Variants in TANC1 observed in about 807,000 individuals in gnomAD.
TANC1 encodes the protein tetratricopeptide repeat, ankyrin repeat and coiled-coil containing 1, also known as protein TANC1.
TANC1 carries 77 observed loss-of-function variants against 149.7 expected under a neutral mutation model. That is an observed-to-expected ratio of 0.51 (90% confidence interval 0.43 to 0.62). TANC1 has a LOEUF of 0.62. Among genes scored for constraint, TANC1 ranks in the 20% least tolerant of loss-of-function variants. The pLI, the probability that TANC1 is intolerant of heterozygous loss-of-function variation, is 0.00. For synonymous variants in TANC1, 854 were observed against 925.0 expected (o/e 0.92, Z 1.39); for missense variants, 1,985 against 2,321.8 (o/e 0.85, Z 2.98).
intron 19 of TANC1, among the ~76,000 whole-genome samples, chr2:159,217,177 T>C (rs902916333): frequency 6.6e-6 from 1 of 152,136 alleles, no homozygotes; most frequent in Non-Finnish European, 1.5e-5. Flanking sequence ...CTGGCAGCCA[T>C]GCCCAGGCCT....
chr2:159,036,532 C>G (rs1269785839), intron 2 of TANC1, among the ~76,000 whole-genome samples: 1 of 152,112 alleles, frequency 6.6e-6, no homozygotes, highest in African/African-American at 2.4e-5. Flanking sequence ...ATGACAGGCC[C>G]TCGTGTGTGA....
intron 26 of TANC1, 50 bp from the exon 27 acceptor site, chr2:159,229,528 G>T: frequency 1.4e-6 from 2 of 1,400,610 alleles, no homozygotes; most frequent in South Asian, 1.3e-5. Flanking sequence ...GTTACACTCT[G>T]AGCATGTTCG....
chr2:159,039,481 G>A (rs2040459422), intron 2 of TANC1, among the ~76,000 whole-genome samples: 1 of 151,962 alleles, frequency 6.6e-6, no homozygotes, highest in African/African-American at 2.4e-5. Context: ...TTTCTCCTGT[G>A]GGCATTTAGT....
At chr2:159,049,524 G>T (rs993086484) in intron 2 of TANC1, among the ~76,000 whole-genome samples, 7 of 152,182 alleles carry the variant, frequency 4.6e-5, no homozygotes, top group Admixed American at 1.3e-4. Context: ...CCAGGGTGGG[G>T]TCCAGCAGCC....
chr2:159,037,780 G>A lies in TANC1; in HGVS notation c.-15-28116G>A, dbSNP rs542526721. On this transcript the variant is annotated intron_variant, in intron 2 of 26. Coordinates refer to ENST00000263635, the MANE Select transcript of TANC1 (RefSeq NM_033394.3). ...TAGCCTTGTAGTATAGTTTGAAGTC[G>A]GGTAGCATGATTCCTCCAGCTTTGT... Among the ~76,000 whole-genome samples the A allele has an allele frequency of 2.0e-4, 30 of 152,140 alleles. No homozygotes were observed. The South Asian group carries it at 2.9e-3, about 15-fold the overall frequency.
At chr2:159,210,801 C>T (rs1196956334) in intron 19 of TANC1, among the ~76,000 whole-genome samples, 1 of 152,018 alleles carries the variant, frequency 6.6e-6, no homozygotes, top group African/African-American at 2.4e-5. Context: ...CTCTTGACCT[C>T]GTGATCTGAT....
rs567962942 is a variant in TANC1, at chr2:159,117,209, A to C, written c.260-18985A>C. 2.8e-4 allele frequency among the ~76,000 whole-genome samples: 42 copies of C among 152,340 alleles called. 1 individual carries two copies. The South Asian group carries it at 8.3e-3, about 30-fold the overall frequency. On this transcript the variant is annotated intron_variant, in intron 4 of 26. Coordinates refer to ENST00000263635, the MANE Select transcript of TANC1 (RefSeq NM_033394.3). ...GACGAGACCTCTTAGTTACCATTAAAGCTTGGGTGAACTTCTATTTTTAAT... is the reference window on the plus strand; with the variant it reads ...GACGAGACCTCTTAGTTACCATTAACGCTTGGGTGAACTTCTATTTTTAAT...
At position 159,134,590 on chromosome 2, in the gene TANC1, C is replaced by G. The variant is rs374637628; in HGVS notation, c.260-1604C>G. On this transcript the variant is annotated intron_variant, in intron 4 of 26. Transcript: ENST00000263635. ...CTCCACCTCCTGGGTTCAAGCGATT[C>G]TCCTGCCTCAGCCTCCTGAGTAGCT... 2.0e-5 allele frequency among the ~76,000 whole-genome samples: 3 copies of G among 152,202 alleles called. No individual in the cohort carries two copies. The East Asian group carries it at 5.8e-4, about 29-fold the overall frequency.
chr2:159,083,294 C>T (rs1361710861), intron 3 of TANC1, among the ~76,000 whole-genome samples: 1 of 151,782 alleles, frequency 6.6e-6, no homozygotes, highest in African/African-American at 2.4e-5. Flanking sequence ...GAATGGTTAG[C>T]CATGTTTGGG....
chr2:159,015,753 G>C (rs1434277486), intron 2 of TANC1, among the ~76,000 whole-genome samples: 1 of 152,138 alleles, frequency 6.6e-6, no homozygotes, highest in Non-Finnish European at 1.5e-5. Flanking sequence ...CTAGGGCAGG[G>C]GCAAAATGCT....
chr2:159,177,838 G>T (rs1575110121), intron 13 of TANC1, among the ~76,000 whole-genome samples: 1 of 152,304 alleles, frequency 6.6e-6, no homozygotes, highest in South Asian at 2.1e-4. Context: ...GGCACATGAG[G>T]CTTCTGGGAG....
intron 8 of TANC1, among the ~76,000 whole-genome samples, chr2:159,166,865 C>G (rs768046386): frequency 6.6e-6 from 1 of 152,160 alleles, no homozygotes; most frequent in Non-Finnish European, 1.5e-5. Context: ...GCTTTCAGCT[C>G]GGCTTAATCG....
At chr2:159,102,009 T>G (rs2046764009) in intron 4 of TANC1, among the ~76,000 whole-genome samples, 1 of 152,164 alleles carries the variant, frequency 6.6e-6, no homozygotes, top group African/African-American at 2.4e-5. Context: ...TTTGAAAACT[T>G]CTCTGCCTGT....
At chr2:158,993,003 T>C (rs2035816022) in intron 1 of TANC1, among the ~76,000 whole-genome samples, 1 of 152,196 alleles carries the variant, frequency 6.6e-6, no homozygotes, top group African/African-American at 2.4e-5. Flanking sequence ...TCCTAGACTC[T>C]TGGGGCTGGT....
chr2:159,219,131 G>C, intron 20 of TANC1, 107 bp from the exon 21 acceptor site: 1 of 1,453,242 alleles, frequency 6.9e-7, no homozygotes, highest in Non-Finnish European at 9.6e-7. Context: ...ACAGATTTTT[G>C]AAAGAAAGTC....
At chr2:159,185,929 T>C in intron 15 of TANC1, 30 bp downstream of exon 15, 1 of 1,505,214 alleles carries the variant, frequency 6.6e-7, no homozygotes, top group Non-Finnish European at 9.2e-7. Context: ...GGGGAAGGGT[T>C]TCTTTGTTGT....
intron 2 of TANC1, among the ~76,000 whole-genome samples, chr2:159,033,682 C>T (rs2039959227): frequency 6.6e-6 from 1 of 152,160 alleles, no homozygotes; most frequent in African/African-American, 2.4e-5. Flanking sequence ...AATGACGGGA[C>T]ATGGGAGTGA....
intron 19 of TANC1, among the ~76,000 whole-genome samples, chr2:159,200,916 T>A (rs2058200350): frequency 6.6e-6 from 1 of 152,174 alleles, no homozygotes; most frequent in African/African-American, 2.4e-5. Flanking sequence ...GCCTCATGAG[T>A]AACCTTCAGA....
chr2:159,167,429 A>C (rs957007729), intron 8 of TANC1, among the ~76,000 whole-genome samples: 5 of 152,224 alleles, frequency 3.3e-5, no homozygotes, highest in Non-Finnish European at 7.3e-5. Context: ...TATACACCCT[A>C]CTTATGAAGG....
Sources: gnomAD v4.1 joint callset for allele counts (sites outside exome capture counted in the v4.1 genomes callset) on GRCh38, gnomAD v4.1.1 for gene constraint, MANE v1.5 for transcripts, NCBI Gene and HGNC (gene_info 2026-07-23, HGNC 2026-07-21) for gene names.